The following FRMD8 variants were observed in gnomAD, a reference collection of about 807,000 sequenced individuals.
FRMD8 encodes FERM domain containing 8, also known as FERM domain-containing protein 8.
FRMD8 carries 37 observed loss-of-function variants against 54.2 expected under a neutral mutation model. That is an observed-to-expected ratio of 0.68 (90% CI 0.53 to 0.90). The LOEUF is 0.90. Among genes scored for constraint, FRMD8 ranks in the 40% least tolerant of loss-of-function variants. The pLI is 0.00. For synonymous variants in FRMD8, 246 were observed against 286.9 expected, an observed-to-expected ratio of 0.86 and a Z score of 1.44; for missense variants, 585 against 653.7, an observed-to-expected ratio of 0.89 and a Z score of 1.15.
the FRMD8 span, chr11:65,380,676 C>T: frequency 8.8e-7 from 1 of 1,140,398 alleles, no homozygotes; most frequent in Non-Finnish European, 1.2e-6. Flanking sequence ...AGCTTCTCCC[C>T]TCCCCTCCAC....
chr11:65,399,549 A>G (rs1208699729), intron 7 of FRMD8, among the ~76,000 whole-genome samples, 187 bp from the exon 8 acceptor site: 6 of 152,128 alleles, frequency 3.9e-5, no homozygotes, highest in African/African-American at 1.4e-4. Context: ...CCGGTCGCAC[A>G]CTGCCAGCTC....
At chr11:65,410,839 T>TA (rs1429476061) in intron 10 of FRMD8, among the ~76,000 whole-genome samples, 1 of 152,186 alleles carries the variant, frequency 6.6e-6, no homozygotes, top group Non-Finnish European at 1.5e-5. Context: ...ACTAACATCT[T>TA]ACAGCAATAT....
intron 6 of FRMD8, 23 bp from the exon 7 acceptor site, chr11:65,396,776 C>T (rs1353555706): frequency 2.7e-6 from 4 of 1,459,064 alleles, no homozygotes; most frequent in Non-Finnish European, 3.6e-6. Flanking sequence ...GGGCCGCTAG[C>T]ACCTGTCTTC....
At chr11:65,409,307 G>A (rs546595621) in intron 10 of FRMD8, among the ~76,000 whole-genome samples, 7 of 151,792 alleles carry the variant, frequency 4.6e-5, no homozygotes, top group East Asian at 2.0e-4. Context: ...GGCTGGTCTC[G>A]AACTCCTGAC....
At chr11:65,386,092 G>A (rs535566805), upstream of FRMD8, among the ~76,000 whole-genome samples, 12 of 152,290 alleles carry the variant, frequency 7.9e-5, no homozygotes, top group African/African-American at 2.6e-4. Flanking sequence ...CACCGCGCCC[G>A]GCCGACATAG....
At chr11:65,386,117 T>C (rs1054792885), upstream of FRMD8, among the ~76,000 whole-genome samples, 1 of 152,134 alleles carries the variant, frequency 6.6e-6, no homozygotes, top group Non-Finnish European at 1.5e-5. Flanking sequence ...ATATTAATAA[T>C]CATTTAGAGA....
the FRMD8 span, among the ~76,000 whole-genome samples, chr11:65,372,848 T>C: frequency 6.6e-6 from 1 of 152,204 alleles, no homozygotes; most frequent in East Asian, 1.9e-4. Flanking sequence ...AGCCACGGGC[T>C]GCCCAGTGGT....
At chr11:65,379,488 AC>A in the FRMD8 span, 2 of 1,614,078 alleles carry the variant, frequency 1.2e-6, no homozygotes, top group Non-Finnish European at 1.7e-6. Context: ...GTTGCTATAG[AC>A]CCCAAACAGG....
Position 65,394,105 on chromosome 11 carries a change from G to T in FRMD8, c.414+6G>T. ...CAAAGCGGCGGGAGCTCCAGGTGAG[G>T]CAGGAGCCCTGGTGGCCCCACCAGG... On this transcript the variant is annotated splice_donor_region_variant and intron_variant, in intron 5 of 10. Transcript: ENST00000317568. The T allele has an allele frequency of 6.2e-7, 1 of 1,613,552 alleles. No homozygotes were observed. The highest frequency in any genetic ancestry group is 1.7e-5 in the Admixed American group (1 of 60,010).
chr11:65,411,364 C>T lies in FRMD8; in HGVS notation c.*4C>T, dbSNP rs371227340. On this transcript the variant is annotated 3_prime_UTR_variant, in exon 11 of 11. Transcript: ENST00000317568. ...CGACAGCCTGGAGCAGGGCTGAGGACGCTGCACCCGGCAGGAGGAGGGCGA... is the reference window on the plus strand; with the variant it reads ...CGACAGCCTGGAGCAGGGCTGAGGATGCTGCACCCGGCAGGAGGAGGGCGA... 19 of 1,563,700 alleles carry T rather than the reference C, an allele frequency of 1.2e-5. No individual in the cohort carries two copies. The highest frequency in any genetic ancestry group is 2.7e-5 in the African/African-American group (2 of 73,518).
At position 65,393,674 on chromosome 11, in the gene FRMD8, G is replaced by C. The variant is rs1360582964; in HGVS notation, c.355G>C (p.Asp119His). ...TSAPDDDVAMDEPFLQFRRNV... is the reference protein window; with the variant it reads ...TSAPDDDVAMHEPFLQFRRNV... ...TGCCCCAGACGATGACGTGGCCATG[G>C]GTCAGTGCTGCTGCCTGTCTGTCCT... The change falls in exon 4 of 11, where the codon GAT (aspartate) becomes CAT (histidine). Residue 119 changes from aspartate to histidine, a missense_variant and splice_region_variant. Asp to His is a moderately conservative substitution (Grantham distance 81). Transcript: ENST00000317568. 6 of 1,601,990 alleles carry C rather than the reference G, an allele frequency of 3.7e-6. No homozygotes were observed. The South Asian group carries it at 6.6e-5, about 18-fold the overall frequency.
At chr11:65,377,225 T>C in the FRMD8 span, 1 of 1,436,716 alleles carries the variant, frequency 7.0e-7, no homozygotes. Flanking sequence ...CGTGCATGTG[T>C]GGCTGGGATG....
At chr11:65,379,597 G>A in the FRMD8 span, 23 of 1,566,906 alleles carry the variant, frequency 1.5e-5, no homozygotes, top group Middle Eastern at 1.7e-4. Context: ...AGTAGGCACC[G>A]TGGGGCCTCC....
At chr11:65,410,772 A>T (rs1459927105) in intron 10 of FRMD8, among the ~76,000 whole-genome samples, 3 of 152,250 alleles carry the variant, frequency 2.0e-5, no homozygotes, top group Admixed American at 2.0e-4. Context: ...CCTGGGCGAC[A>T]GAGCGAGACT....
chr11:65,383,597 A>C (rs753941406), upstream of FRMD8: 2 of 152,132 alleles, frequency 1.3e-5, no homozygotes, highest in Non-Finnish European at 2.9e-5. Context: ...ATCTCTACCA[A>C]AAATACAAAA....
the FRMD8 span, among the ~76,000 whole-genome samples, chr11:65,368,595 G>T: frequency 6.6e-6 from 1 of 151,788 alleles, no homozygotes; most frequent in South Asian, 2.1e-4. Flanking sequence ...ACGGAGTCTT[G>T]CTCTGTCGCC....
chr11:65,380,357 A>G, the FRMD8 span: 1 of 968,380 alleles, frequency 1.0e-6, no homozygotes, highest in Non-Finnish European at 1.5e-6. Flanking sequence ...CCCTCCACAC[A>G]GGCACTGGGC....
At chr11:65,381,861 A>G (rs1239474492), upstream of FRMD8, 1 of 1,611,462 alleles carries the variant, frequency 6.2e-7, no homozygotes, top group Admixed American at 1.7e-5. Flanking sequence ...CATCTTCCCG[A>G]GGAAGTGACC....
the FRMD8 span, among the ~76,000 whole-genome samples, chr11:65,370,152 T>C: frequency 6.7e-6 from 1 of 149,922 alleles, no homozygotes; most frequent in Non-Finnish European, 1.5e-5. Context: ...GCCTGAGAGG[T>C]TGGGGCTGCA....
Sources: allele counts gnomAD v4.1 joint callset (sites outside exome capture counted in the v4.1 genomes callset), GRCh38; gene constraint gnomAD v4.1.1; transcripts MANE v1.5; gene names NCBI Gene and HGNC (gene_info 2026-07-23, HGNC 2026-07-21).